ZNF486: variants seen among roughly 807,000 people sequenced by gnomAD.
The protein encoded by ZNF486 is KRAB box only protein 2.
In ZNF486, 12 loss-of-function variants were observed where a neutral mutation model predicts 12.8. The ratio of observed to expected loss-of-function variants is 0.94; its 90% CI spans 0.60 to 1.52. The LOEUF (loss-of-function observed/expected upper bound fraction) is 1.52, where lower values mean the gene tolerates loss of function less well. ZNF486 is among the 40% of genes most tolerant of loss of function. The pLI, the probability that ZNF486 is intolerant of heterozygous loss-of-function variation, is 0.00. For missense variants in ZNF486, 738 were observed against 545.0 expected (o/e 1.35, Z -3.53); for synonymous variants, 231 against 184.9 (o/e 1.25, Z -2.02).
rs983409579 is a variant in ZNF486, at chr19:20,199,523, G to C, written c.*1421G>C. The C allele has an allele frequency of 6.6e-6, 1 of 152,028 alleles. No individual in the cohort carries two copies. The highest frequency in any genetic ancestry group is 1.9e-4 in the East Asian group (1 of 5,184). The allele number at this position is 152,028 out of a possible 1,614,324, so 9.4% of individuals were successfully genotyped here. ...AGGTGGGAGGATCACCTGATGTCGGGAGTTTGAGATCAGACTGACCAAAAC... is the reference window on the plus strand; with the variant it reads ...AGGTGGGAGGATCACCTGATGTCGGCAGTTTGAGATCAGACTGACCAAAAC... On this transcript the variant is annotated 3_prime_UTR_variant, in exon 4 of 4. Coordinates refer to ENST00000335117, the MANE Select transcript of ZNF486 (RefSeq NM_052852.4).
chr19:20,188,570 G>T, intron 3 of ZNF486: 1 of 397,618 alleles, frequency 2.5e-6, no homozygotes, highest in Non-Finnish European at 4.4e-6. Context: ...TGTGGTACCT[G>T]CTACTTGGGA....
At chr19:20,185,404 GT>G (rs782413355) in intron 2 of ZNF486, among the ~76,000 whole-genome samples, 5,195 of 69,668 alleles carry the variant, frequency 0.075, 42 homozygotes, top group African/African-American at 0.2. Flanking sequence ...TATTGTTTAT[GT>G]TTTTTTTTTT....
chr19:20,167,369 G>A lies in ZNF486; in HGVS notation c.30+9G>A. 3 of 1,613,318 alleles carry A rather than the reference G, an allele frequency of 1.9e-6. No individual in the cohort carries two copies. Among genetic ancestry groups the A allele is most frequent in the South Asian group, 1.1e-5 (1 of 91,032 alleles). ...TTAGAAGCCTAGAAATGGTGAGAGTGCCCATTGGACATCCTGAGAGAGGGG... is the reference window on the plus strand; with the variant it reads ...TTAGAAGCCTAGAAATGGTGAGAGTACCCATTGGACATCCTGAGAGAGGGG... On this transcript the variant is annotated intron_variant, in intron 1 of 3. Transcript: ENST00000335117.
At position 20,167,242 on chromosome 19, in the gene ZNF486, C is replaced by G. The variant is rs781799276; in HGVS notation, c.-89C>G. 3 of 1,521,240 alleles carry G rather than the reference C, an allele frequency of 2.0e-6. No homozygotes were observed. The highest frequency in any genetic ancestry group is 2.7e-6 in the Non-Finnish European group (3 of 1,096,094). The allele number at this position is 1,521,240 out of a possible 1,614,324, so 94.2% of individuals were successfully genotyped here. ...TCTCGCTGCATCTGGAGCTCTAGGT[C>G]GCCTCTTCGCTACTCTGTGTCCTCT... On this transcript the variant is annotated 5_prime_UTR_variant, in exon 1 of 4. Transcript: ENST00000335117.
At position 20,185,995 on chromosome 19, in the gene ZNF486, G is replaced by T; in HGVS notation, c.166G>T (p.Val56Phe). 6.4e-7 allele frequency: 1 copy of T among 1,555,050 alleles called. No individual in the cohort carries two copies. The highest frequency in any genetic ancestry group is 8.7e-7 in the Non-Finnish European group (1 of 1,154,546). The change falls in exon 3 of 4, where the codon GTC (valine) becomes TTC (phenylalanine). Residue 56 changes from valine to phenylalanine, a missense_variant. Coordinates refer to ENST00000335117, the MANE Select transcript of ZNF486 (RefSeq NM_052852.4). ...TATTTTTAATGAAACAGGTATTATT[G>T]TCTCTAAGCCAGACCTGATCACCTG... ...YRHLVFLGII[V>F]SKPDLITCLE...
At chr19:20,191,592 AC>A (rs34952029) in intron 3 of ZNF486, among the ~76,000 whole-genome samples, 26,240 of 150,310 alleles carry the variant, frequency 0.17, 2,719 homozygotes, top group East Asian at 0.47. Flanking sequence ...AGACGGTGAA[AC>A]CCCGTCTCTA....
Position 20,184,331 on chromosome 19 carries a change from A to ATG in ZNF486, c.31-9_31-8dup, listed in dbSNP as rs367731486. The ATG allele has an allele frequency of 2.1e-3, 3,205 of 1,544,758 alleles. 5 individuals carry two copies. Among genetic ancestry groups the ATG allele is most frequent in the African/African-American group, 8.2e-3 (593 of 72,186 alleles). ...TTCCACCAACGGCGACTTGGTGAAA[A>ATG]TGTGTGTGTGTGTGTGTTTTTCAGG... is the stretch of plus-strand genomic sequence containing the variant. On this transcript the variant is annotated intron_variant, in intron 1 of 3. Transcript: ENST00000335117.
chr19:20,175,331 ATTTTTT>A (rs782300626), intron 1 of ZNF486: 2 of 119,894 alleles, frequency 1.7e-5, no homozygotes, highest in East Asian at 2.8e-4. Context: ...AGCCCTATTA[ATTTTTT>A]TTTTTTTTTT....
intron 3 of ZNF486, among the ~76,000 whole-genome samples, chr19:20,195,541 T>C (rs373503087): frequency 5.9e-5 from 9 of 152,228 alleles, no homozygotes; most frequent in Admixed American, 1.3e-4. Context: ...TTTATAATTT[T>C]TTTGATGGGG....
intron 3 of ZNF486, among the ~76,000 whole-genome samples, chr19:20,189,622 C>T (rs1599712991): frequency 6.6e-6 from 1 of 151,692 alleles, no homozygotes; most frequent in South Asian, 2.1e-4. Context: ...ATGCTTTTTC[C>T]CATTTGTGTA....
rs1555718727 is a variant in ZNF486, at chr19:20,200,297, A to C, written c.*2195A>C. ...AAAAGTAAGGACATTAAAATGTAAG[A>C]TGCATGATGAAAATATAAGTGGAGA... is the stretch of plus-strand genomic sequence containing the variant. On this transcript the variant is annotated 3_prime_UTR_variant, in exon 4 of 4. Coordinates refer to ENST00000335117, the MANE Select transcript of ZNF486 (RefSeq NM_052852.4). 1 of 152,162 alleles carries C rather than the reference A, an allele frequency of 6.6e-6. No homozygotes were observed. The highest frequency in any genetic ancestry group is 2.4e-5 in the African/African-American group (1 of 41,444). The allele number at this position is 152,162 out of a possible 1,614,324, so 9.4% of individuals were successfully genotyped here. A position where few individuals can be genotyped will look rare whatever the true frequency, so the allele number is the denominator to read the frequency against.
Position 20,185,710 on chromosome 19 carries a change from A to C in ZNF486, c.158-277A>C, listed in dbSNP as rs964182438. On this transcript the variant is annotated intron_variant, in intron 2 of 3. Transcript: ENST00000335117. ...GGTGTGAGCCACTGCAACTGGCCCT[A>C]TTTATGGTTTTTAAAGTACTGCTTA... Among the ~76,000 whole-genome samples the C allele has an allele frequency of 2.6e-5, 4 of 151,106 alleles. No homozygotes were observed. The Admixed American group carries it at 2.6e-4, about 10-fold the overall frequency.
intron 3 of ZNF486, among the ~76,000 whole-genome samples, 178 bp downstream of exon 3, chr19:20,186,260 G>A (rs2089845160): frequency 6.6e-6 from 1 of 152,092 alleles, no homozygotes; most frequent in African/African-American, 2.4e-5. Context: ...AGGGACATCT[G>A]TCTCATGCTT....
At chr19:20,186,575 A>G (rs979165056) in intron 3 of ZNF486, among the ~76,000 whole-genome samples, 36 of 152,258 alleles carry the variant, frequency 2.4e-4, no homozygotes, top group African/African-American at 8.7e-4. Flanking sequence ...AATTATAAGT[A>G]TGATATCCTT....
intron 1 of ZNF486, among the ~76,000 whole-genome samples, chr19:20,172,756 C>T (rs543218317): frequency 1.3e-5 from 2 of 151,400 alleles, no homozygotes; most frequent in East Asian, 3.9e-4. Flanking sequence ...TCTCCTGCCT[C>T]AGCCTTCTGA....
At chr19:20,172,322 TGA>T (rs1393226467) in intron 1 of ZNF486, among the ~76,000 whole-genome samples, 1 of 151,476 alleles carries the variant, frequency 6.6e-6, no homozygotes, top group South Asian at 2.1e-4. Flanking sequence ...TTTTTTTTTT[TGA>T]GAGAGAGTTT....
intron 3 of ZNF486, among the ~76,000 whole-genome samples, chr19:20,187,738 C>A (rs374068379): frequency 2.0e-5 from 3 of 151,888 alleles, no homozygotes; most frequent in East Asian, 3.9e-4. Context: ...CTCCTGACCT[C>A]GTGATCCATC....
intron 3 of ZNF486, among the ~76,000 whole-genome samples, chr19:20,192,025 A>T (rs985275528): frequency 6.6e-6 from 1 of 152,152 alleles, no homozygotes; most frequent in Admixed American, 6.6e-5. Flanking sequence ...TAGATAGATA[A>T]ATAATATAGT....
chr19:20,197,702 T>G lies in ZNF486; in HGVS notation c.992T>G (p.Phe331Cys). 1 of 1,613,642 alleles carries G rather than the reference T, an allele frequency of 6.2e-7. No individual in the cohort carries two copies. The highest frequency in any genetic ancestry group is 8.5e-7 in the Non-Finnish European group (1 of 1,179,818). ...ACGTGTGATAAATGTGGCAAAGCCT[T>G]TATTTCATCCTCGATCCTTAGTAAA... ...PYTCDKCGKA[F>C]ISSSILSKHE... Residue 331 changes from phenylalanine (F) to cysteine (C), a missense_variant, in exon 4 of 4, where the codon TTT (phenylalanine) becomes TGT (cysteine). Coordinates refer to ENST00000335117, the MANE Select transcript of ZNF486 (RefSeq NM_052852.4).
Sources: allele counts gnomAD v4.1 joint callset (sites outside exome capture counted in the v4.1 genomes callset), GRCh38; gene constraint gnomAD v4.1.1; transcripts MANE v1.5; gene names NCBI Gene and HGNC (gene_info 2026-07-23, HGNC 2026-07-21).